Variants in DHRS4 observed in about 807,000 individuals in gnomAD.
DHRS4 encodes dehydrogenase/reductase SDR family member 4.
Under a neutral mutation model 28.4 loss-of-function variants are expected in DHRS4, and 20 were observed. The observed-to-expected ratio is 0.71, with a 90% CI of 0.50 to 1.02. The LOEUF is 1.02. Ranked by LOEUF, DHRS4 falls within the 50% of genes least tolerant of loss-of-function variation. The pLI is 0.00. For missense variants in DHRS4, 378 were observed against 367.2 expected, an observed-to-expected ratio of 1.03 and a Z score of -0.24; for synonymous variants, 144 against 146.4, an observed-to-expected ratio of 0.98 and a Z score of 0.12.
rs529585692 is a variant in DHRS4 at position 23,955,434 on chromosome 14, G to T, written c.306+222G>T. Among the ~76,000 whole-genome samples the T allele has an allele frequency of 1.4e-3, 220 of 152,200 alleles. 2 individuals are homozygous for T. The highest frequency in any genetic ancestry group is 2.4e-3 in the Non-Finnish European group (164 of 68,014). On this transcript the variant is annotated intron_variant, in intron 2 of 7. Transcript: ENST00000313250. Reference sequence around the variant, plus strand: ...CTTGAGTACCCCAAAGAAACAGCTGGTACTGGTTCTGCAGTAATTTTCAAT... The same window carrying T: ...CTTGAGTACCCCAAAGAAACAGCTGTTACTGGTTCTGCAGTAATTTTCAAT...
rs151320384 is a variant in DHRS4, at chr14:23,965,966, G to A, written c.514G>A (p.Ala172Thr). The A allele has an allele frequency of 1.4e-5, 22 of 1,610,270 alleles. No homozygotes were observed. The highest frequency in any genetic ancestry group is 1.6e-5 in the Non-Finnish European group (19 of 1,177,794). The change falls in exon 5 of 8, where the codon GCC becomes ACC. Residue 172 changes from alanine (A) to threonine (T), a missense_variant. Ala to Thr is a moderately conservative substitution (Grantham distance 58). Coordinates refer to ENST00000313250, the MANE Select transcript of DHRS4 (RefSeq NM_021004.4). ...AGTGGTGATCGTGTCTTCCATAGCAGCCTTCAGTCCATCTCCTGTAAGAAC... is the reference window on the plus strand; with the variant it reads ...AGTGGTGATCGTGTCTTCCATAGCAACCTTCAGTCCATCTCCTGTAAGAAC... ...GSVVIVSSIA[A>T]FSPSPGFSPY... is the part of the protein sequence containing the mutation.
chr14:23,966,576 G>A (rs1286483529), intron 6 of DHRS4, among the ~76,000 whole-genome samples, 159 bp downstream of exon 6: 1 of 151,680 alleles, frequency 6.6e-6, no homozygotes, highest in Non-Finnish European at 1.5e-5. Flanking sequence ...CCCTATACAA[G>A]CCACACTCTT....
In DHRS4 at chr14:23,967,324, C is replaced by T; in HGVS notation, c.722+58C>T. 3.2e-6 allele frequency: 5 copies of T among 1,578,352 alleles called. No homozygotes were observed. In the Admixed American group the frequency reaches 7.1e-5, roughly 22 times the overall value. ...ACATGAAGATGGGAAGGTCTGGTCC[C>T]TAGCAGCCCACAGCCCGCTGTCTCA... is the stretch of plus-strand genomic sequence containing the variant. On this transcript the variant is annotated intron_variant, in intron 7 of 7. Transcript: ENST00000313250.
chr14:23,963,044 G>A (rs1035901954), intron 3 of DHRS4, among the ~76,000 whole-genome samples: 5 of 125,108 alleles, frequency 4.0e-5, no homozygotes, highest in African/African-American at 1.6e-4. Context: ...AGCTATCAAC[G>A]GTGAGCTTAA....
chr14:23,966,662 A>G (rs541134174), intron 6 of DHRS4, among the ~76,000 whole-genome samples: 4 of 151,992 alleles, frequency 2.6e-5, no homozygotes, highest in South Asian at 2.1e-4. Context: ...CCCTCCTTAC[A>G]TGGATGAGAA....
At chr14:23,959,674 T>C (rs1343175328) in intron 2 of DHRS4, among the ~76,000 whole-genome samples, 1 of 151,514 alleles carries the variant, frequency 6.6e-6, no homozygotes, top group Non-Finnish European at 1.5e-5. Flanking sequence ...GAAGATTTTG[T>C]TGTCATTGTT....
chr14:23,954,248 A>T (rs1466074911), intron 1 of DHRS4: 5 of 248,124 alleles, frequency 2.0e-5, no homozygotes, highest in African/African-American at 1.1e-4. Flanking sequence ...AATCCAAGGA[A>T]ATCTGGATTT....
chr14:23,967,143 G>C, intron 6 of DHRS4, 68 bp from the exon 7 acceptor site: 2 of 1,548,434 alleles, frequency 1.3e-6, no homozygotes, highest in Non-Finnish European at 1.7e-6. Context: ...AAAAGAGCAA[G>C]ACTCCGTCTC....
At chr14:23,956,448 T>A (rs1279916768) in intron 2 of DHRS4, among the ~76,000 whole-genome samples, 2 of 151,974 alleles carry the variant, frequency 1.3e-5, no homozygotes, top group African/African-American at 4.8e-5. Flanking sequence ...AGTGATGAGG[T>A]TCCAGATAAC....
intron 3 of DHRS4, among the ~76,000 whole-genome samples, chr14:23,964,766 G>T (rs1343262372): frequency 7.0e-6 from 1 of 143,438 alleles, no homozygotes; most frequent in African/African-American, 2.5e-5. Context: ...TAGTACAGAC[G>T]AGGTTTGCCA....
rs1043438 is a variant in DHRS4 at position 23,953,822 on chromosome 14, C to A, written c.34C>A (p.Arg12=). Residue 12 remains arginine (R), a synonymous_variant, in exon 1 of 8, where the codon CGG becomes AGG. Coordinates refer to ENST00000313250, the MANE Select transcript of DHRS4 (RefSeq NM_021004.4). ...GGCGGGGCTGCTAGGCCTCTGTGCCCGGGCTTGGAATTCGGTGCGGATGGC... is the reference window on the plus strand; with the variant it reads ...GGCGGGGCTGCTAGGCCTCTGTGCCAGGGCTTGGAATTCGGTGCGGATGGC... ...HKAGLLGLCA[R]AWNSVRMASS... is the part of the protein sequence containing the mutation. The A allele has an allele frequency of 8.3e-4, 1,332 of 1,614,094 alleles. 11 individuals carry two copies. The African/African-American group carries it at 0.016, about 20-fold the overall frequency.
intron 3 of DHRS4, among the ~76,000 whole-genome samples, chr14:23,962,710 T>C (rs1330860511): frequency 2.6e-5 from 4 of 151,304 alleles, no homozygotes; most frequent in African/African-American, 7.4e-5. Context: ...AATGTAGATA[T>C]TTTGACCTCC....
intron 7 of DHRS4, 79 bp from the exon 8 acceptor site, chr14:23,968,678 A>G (rs2033731283): frequency 6.4e-6 from 10 of 1,565,216 alleles, no homozygotes; most frequent in Non-Finnish European, 7.8e-6. Context: ...GATTAAGCAA[A>G]TTTAACTCCC....
chr14:23,954,252 T>C, intron 1 of DHRS4: 1 of 244,818 alleles, frequency 4.1e-6, no homozygotes, highest in South Asian at 8.0e-5. Flanking sequence ...CAAGGAAATC[T>C]GGATTTCAAA....
At chr14:23,965,308 C>T (rs1205836424) in intron 3 of DHRS4, among the ~76,000 whole-genome samples, 2 of 126,580 alleles carry the variant, frequency 1.6e-5, no homozygotes, top group Non-Finnish European at 3.3e-5. Context: ...CTCCCTAAGC[C>T]CAGAAGCCAG....
intron 2 of DHRS4, among the ~76,000 whole-genome samples, chr14:23,959,042 A>C (rs1566471425): frequency 6.6e-6 from 1 of 152,168 alleles, no homozygotes. Flanking sequence ...GTAAGTGTGG[A>C]CAGATTGACT....
At chr14:23,958,051 T>G (rs2138439918) in intron 2 of DHRS4, among the ~76,000 whole-genome samples, 1 of 152,098 alleles carries the variant, frequency 6.6e-6, no homozygotes, top group East Asian at 2.0e-4. Context: ...ACTTATTAAC[T>G]TACTCTGCAC....
intron 1 of DHRS4, chr14:23,954,218 T>C (rs888807359): frequency 9.7e-6 from 3 of 310,132 alleles, no homozygotes; most frequent in East Asian, 1.1e-4. Flanking sequence ...ACCTAGCGTC[T>C]GGGAAGACCA....
At chr14:23,954,310 A>T in intron 1 of DHRS4, 1 of 178,236 alleles carries the variant, frequency 5.6e-6, no homozygotes. Flanking sequence ...CAGACATTCT[A>T]TTTGGGCACC....
Sources: gnomAD v4.1 joint callset for allele counts (sites outside exome capture counted in the v4.1 genomes callset) on GRCh38, gnomAD v4.1.1 for gene constraint, MANE v1.5 for transcripts, NCBI Gene and HGNC (gene_info 2026-07-23, HGNC 2026-07-21) for gene names.